Variants in TTC6 observed in about 807,000 individuals in gnomAD.
TTC6 encodes tetratricopeptide repeat protein 6.
TTC6 carries 172 observed loss-of-function variants against 210.4 expected under a neutral mutation model. The ratio of observed to expected loss-of-function variants is 0.82; its 90% CI spans 0.72 to 0.93. The LOEUF (loss-of-function observed/expected upper bound fraction) is 0.93, where lower values mean the gene tolerates loss of function less well. TTC6 is among the 40% of genes least tolerant of loss of function. The probability of loss-of-function intolerance (pLI) is 0.00; values close to 1 mark genes in which losing one functional copy is unlikely to be tolerated. For missense variants in TTC6, 2,414 were observed against 2,318.1 expected, an observed-to-expected ratio of 1.04 and a Z score of -0.85; for synonymous variants, 804 against 819.6, an observed-to-expected ratio of 0.98 and a Z score of 0.32.
intron 3 of TTC6, among the ~76,000 whole-genome samples, chr14:37,690,917 C>T (rs2095802414): frequency 6.6e-6 from 1 of 152,190 alleles, no homozygotes; most frequent in South Asian, 2.1e-4. Context: ...TTGCAGAATA[C>T]ACATTCTTTT....
At chr14:37,755,423 T>C (rs958876994) in intron 14 of TTC6, among the ~76,000 whole-genome samples, 1 of 152,234 alleles carries the variant, frequency 6.6e-6, no homozygotes, top group African/African-American at 2.4e-5. Context: ...TTGCCATTGC[T>C]TTTGGTGTTT....
intron 3 of TTC6, among the ~76,000 whole-genome samples, chr14:37,695,040 C>CAAAAAA (rs57506038): frequency 8.7e-5 from 5 of 57,258 alleles, no homozygotes; most frequent in African/African-American, 2.0e-4. Flanking sequence ...GGCCCTGTCT[C>CAAAAAA]AAAAAAAAAA....
At chr14:37,736,136 G>C in intron 8 of TTC6, 126 bp downstream of exon 10, 1 of 581,328 alleles carries the variant, frequency 1.7e-6, no homozygotes, top group Admixed American at 3.0e-5. Flanking sequence ...CTGTAATCCC[G>C]GCATTTTGGG....
chr14:37,797,305 T>C (rs1360030024), intron 20 of TTC6, among the ~76,000 whole-genome samples: 1 of 152,096 alleles, frequency 6.6e-6, no homozygotes, highest in South Asian at 2.1e-4. Context: ...TTCCTGTTCC[T>C]GTTGGTCTGC....
At chr14:37,731,842 A>C (rs1439436032) in intron 7 of TTC6, among the ~76,000 whole-genome samples, 1 of 147,304 alleles carries the variant, frequency 6.8e-6, no homozygotes, top group Non-Finnish European at 1.5e-5. Context: ...AAACAAATAC[A>C]GTTGGATTTT....
chr14:37,827,251 G>A (rs776920475), exon 29 of TTC6: 7 of 1,613,002 alleles, frequency 4.3e-6, no homozygotes, highest in Non-Finnish European at 8.5e-7. Flanking sequence ...GAGTTTATGG[G>A]CCACAAACAG....
exon 7 of TTC6, chr14:37,724,979 G>A (rs945326666): frequency 1.3e-6 from 2 of 1,522,670 alleles, no homozygotes; most frequent in African/African-American, 2.7e-5. Flanking sequence ...TGTCATGAAG[G>A]AAACTCTATA....
At chr14:37,818,311 T>G (rs1292815293) in intron 26 of TTC6, among the ~76,000 whole-genome samples, 1 of 152,130 alleles carries the variant, frequency 6.6e-6, no homozygotes. Context: ...ATATAGACTT[T>G]GTTAGCCATA....
intron 3 of TTC6, 111 bp from the exon 6 acceptor site, chr14:37,696,606 T>A: frequency 2.2e-6 from 1 of 462,956 alleles, no homozygotes; most frequent in Non-Finnish European, 3.7e-6. Context: ...TGTTATAACA[T>A]ATACATAGAA....
At chr14:37,705,294 G>A (rs1419520574) in intron 5 of TTC6, among the ~76,000 whole-genome samples, 1 of 151,926 alleles carries the variant, frequency 6.6e-6, no homozygotes, top group East Asian at 1.9e-4. Flanking sequence ...AAAACCAAAG[G>A]TTAAGTGTCA....
chr14:37,637,345 A>G (rs1327801354), intron 1 of TTC6, among the ~76,000 whole-genome samples: 1 of 152,252 alleles, frequency 6.6e-6, no homozygotes, highest in Non-Finnish European at 1.5e-5. Context: ...TTGTTCTACA[A>G]AAGACCCTGT....
At chr14:37,790,633 A>G (rs1432733502) in intron 15 of TTC6, 84 bp from the exon 18 acceptor site, 2 of 1,089,620 alleles carry the variant, frequency 1.8e-6, no homozygotes, top group Admixed American at 2.3e-5. Context: ...GAGAATAAGC[A>G]ATAGGAAGTT....
chr14:37,773,962 A>G (rs1301100793), intron 14 of TTC6, among the ~76,000 whole-genome samples: 1 of 152,128 alleles, frequency 6.6e-6, no homozygotes, highest in African/African-American at 2.4e-5. Context: ...TTCTCATTGT[A>G]GAGATCTTTC....
chr14:37,795,287 G>A, exon 18 of TTC6: 3 of 1,531,386 alleles, frequency 2.0e-6, no homozygotes, highest in South Asian at 1.2e-5. Context: ...AATTGAAAAA[G>A]GCAGTAAATG....
chr14:37,703,532 CTG>C (rs1205347069), intron 5 of TTC6, among the ~76,000 whole-genome samples: 4 of 152,086 alleles, frequency 2.6e-5, no homozygotes, highest in Non-Finnish European at 4.4e-5. Context: ...AGAAAGGTAA[CTG>C]TAAACAAAAT....
chr14:37,744,430 C>T (rs951995003), intron 10 of TTC6, among the ~76,000 whole-genome samples: 6 of 152,062 alleles, frequency 3.9e-5, no homozygotes, highest in South Asian at 2.1e-4. Flanking sequence ...GATATTTGAG[C>T]GTAGAACTGA....
intron 1 of TTC6, among the ~76,000 whole-genome samples, chr14:37,657,514 TGG>T (rs1252919042): frequency 2.0e-5 from 3 of 152,100 alleles, no homozygotes; most frequent in Non-Finnish European, 4.4e-5. Flanking sequence ...CTGGTGTCTC[TGG>T]GGGACTGAAT....
intron 1 of TTC6, among the ~76,000 whole-genome samples, chr14:37,656,596 T>G (rs2095723901): frequency 6.6e-6 from 1 of 151,774 alleles, no homozygotes; most frequent in African/African-American, 2.4e-5. Flanking sequence ...TTTACTTCAG[T>G]GTGAAGAATG....
intron 7 of TTC6, among the ~76,000 whole-genome samples, chr14:37,735,230 T>A (rs1398681184): frequency 1.3e-5 from 2 of 152,182 alleles, no homozygotes; most frequent in East Asian, 1.9e-4. Flanking sequence ...TTTTATTCAA[T>A]AAATATTTTT....
Sources: gnomAD v4.1 joint callset for allele counts (sites outside exome capture counted in the v4.1 genomes callset) on GRCh38, gnomAD v4.1.1 for gene constraint, MANE v1.5 for transcripts, NCBI Gene and HGNC (gene_info 2026-07-23, HGNC 2026-07-21) for gene names.